RAB10: variants seen among roughly 807,000 people sequenced by gnomAD.
RAB10 encodes the protein RAB10, member RAS oncogene family, also known as ras-related protein Rab-10.
A neutral mutation model predicts 25.7 loss-of-function variants in RAB10; 5 were observed. That is an observed-to-expected ratio of 0.19 (90% CI 0.10 to 0.41). The LOEUF (loss-of-function observed/expected upper bound fraction) is 0.41, where lower values mean the gene tolerates loss of function less well. Among genes scored for constraint, RAB10 ranks in the 10% least tolerant of loss-of-function variants. RAB10 has a pLI of 1.00. For synonymous variants in RAB10, 89 were observed against 86.4 expected, an observed-to-expected ratio of 1.03 and a Z score of -0.16; for missense variants, 103 against 245.8, an observed-to-expected ratio of 0.42 and a Z score of 3.89.
intron 1 of RAB10, among the ~76,000 whole-genome samples, chr2:26,075,349 A>G (rs1666710211): frequency 6.6e-6 from 1 of 152,124 alleles, no homozygotes; most frequent in Admixed American, 6.6e-5. Flanking sequence ...TATCTCTTCC[A>G]TTAAGTCATG....
intron 1 of RAB10, among the ~76,000 whole-genome samples, chr2:26,073,229 A>G (rs1317926357): frequency 6.6e-6 from 1 of 152,228 alleles, no homozygotes; most frequent in Non-Finnish European, 1.5e-5. Flanking sequence ...AATTGTTTCA[A>G]AAGTGATGGA....
At chr2:26,127,348 A>C in intron 4 of RAB10, 115 bp downstream of exon 4, 1 of 786,282 alleles carries the variant, frequency 1.3e-6, no homozygotes. Context: ...ATAGTTTTTA[A>C]AATGCTTGTT....
At chr2:26,078,577 T>A (rs750429706) in intron 1 of RAB10, among the ~76,000 whole-genome samples, 1 of 152,138 alleles carries the variant, frequency 6.6e-6, no homozygotes, top group Non-Finnish European at 1.5e-5. Flanking sequence ...GGGTGATTTC[T>A]GAGGTGATAC....
At position 26,135,225 on chromosome 2, in the gene RAB10, A is replaced by C; in HGVS notation, c.*204A>C. 1 of 495,858 alleles carries C rather than the reference A, an allele frequency of 2.0e-6. No homozygotes were observed. The highest frequency in any genetic ancestry group is 3.6e-6 in the Non-Finnish European group (1 of 280,960). The allele number at this position is 495,858 out of a possible 1,614,324, so 30.7% of individuals were successfully genotyped here. On this transcript the variant is annotated 3_prime_UTR_variant, in exon 6 of 6. Transcript: ENST00000264710. ...TTCTTCAAACAAAAAAATGTATAGA[A>C]AAATCATGTCTGTGAGTTCATTTTT...
At chr2:26,033,862 A>G (rs1665693543), upstream of RAB10, among the ~76,000 whole-genome samples, 1 of 152,144 alleles carries the variant, frequency 6.6e-6, no homozygotes. Context: ...GCGTGCTCGT[A>G]ACGCCGCGCA....
intron 1 of RAB10, among the ~76,000 whole-genome samples, chr2:26,036,549 C>T (rs1665768739): frequency 6.6e-6 from 1 of 151,894 alleles, no homozygotes; most frequent in Non-Finnish European, 1.5e-5. Context: ...GTCCCAGCTA[C>T]TCAGGAGGCT....
chr2:26,063,819 CAA>C (rs1491177818), intron 1 of RAB10, among the ~76,000 whole-genome samples: 1 of 152,074 alleles, frequency 6.6e-6, no homozygotes, highest in Admixed American at 6.5e-5. Context: ...TTTGGAGAGA[CAA>C]GAGTCTCACT....
intron 1 of RAB10, among the ~76,000 whole-genome samples, chr2:26,097,995 A>T (rs1297434460): frequency 6.6e-6 from 1 of 151,520 alleles, no homozygotes; most frequent in Non-Finnish European, 1.5e-5. Flanking sequence ...TTTTTCCCCC[A>T]CTAGGAACCT....
intron 3 of RAB10, among the ~76,000 whole-genome samples, chr2:26,115,846 G>A: frequency 6.8e-6 from 1 of 146,974 alleles, no homozygotes; most frequent in African/African-American, 2.5e-5. Flanking sequence ...TACACAGGTA[G>A]AGTTGTTATT....
chr2:26,034,776 C>T, intron 1 of RAB10, 41 bp downstream of exon 1: 2 of 1,610,230 alleles, frequency 1.2e-6, no homozygotes, highest in Non-Finnish European at 1.7e-6. Context: ...TCGGTAGCTG[C>T]ATACCGTTTA....
chr2:26,096,430 CTGGA>C lies in RAB10; in HGVS notation c.128-2202_128-2199del, dbSNP rs10522075. Among the ~76,000 whole-genome samples, 127 of 150,468 alleles carry C rather than the reference CTGGA, an allele frequency of 8.4e-4. 2 individuals carry two copies. In the South Asian group the frequency reaches 0.014, roughly 16 times the overall value. ...GATGGCTGGATGGATGGCTGGCTGG[CTGGA>C]TGGATGGATGGATGGATGGATGGAT... On this transcript the variant is annotated intron_variant, in intron 1 of 5. Transcript: ENST00000264710.
chr2:26,116,845 C>T (rs921944887), intron 3 of RAB10, among the ~76,000 whole-genome samples: 2 of 151,526 alleles, frequency 1.3e-5, no homozygotes, highest in South Asian at 4.2e-4. Flanking sequence ...CGTGAGCCAC[C>T]ACGCCCGGCC....
chr2:26,100,975 A>G (rs541535101), intron 2 of RAB10, among the ~76,000 whole-genome samples: 2 of 136,954 alleles, frequency 1.5e-5, no homozygotes, highest in African/African-American at 4.9e-5. Flanking sequence ...TGAATAGGGT[A>G]AAGTGTTGGA....
chr2:26,111,546 G>A (rs1304422849), intron 3 of RAB10, among the ~76,000 whole-genome samples: 1 of 150,710 alleles, frequency 6.6e-6, no homozygotes, highest in East Asian at 1.9e-4. Context: ...GGAGGTTGCA[G>A]TGAGCTGAGA....
chr2:26,056,963 AC>A (rs1480414839), intron 1 of RAB10, among the ~76,000 whole-genome samples: 1 of 152,196 alleles, frequency 6.6e-6, no homozygotes, highest in Non-Finnish European at 1.5e-5. Context: ...CTCTGATCTG[AC>A]AATAAGCTTG....
chr2:26,064,330 A>G (rs1488542054), intron 1 of RAB10, among the ~76,000 whole-genome samples: 1 of 151,804 alleles, frequency 6.6e-6, no homozygotes, highest in East Asian at 1.9e-4. Flanking sequence ...GTTTTTGTAG[A>G]GTGTTTGTTT....
chr2:26,033,835 G>T (rs1024716644), upstream of RAB10, among the ~76,000 whole-genome samples: 23 of 152,336 alleles, frequency 1.5e-4, no homozygotes, highest in African/African-American at 5.5e-4. Flanking sequence ...CAGTCGCTAG[G>T]TAGCGTCTCC....
intron 2 of RAB10, among the ~76,000 whole-genome samples, chr2:26,107,587 G>C (rs1471073363): frequency 6.6e-6 from 1 of 152,122 alleles, no homozygotes; most frequent in Non-Finnish European, 1.5e-5. Flanking sequence ...CCTGAGGTCA[G>C]GAGTTTGAGA....
chr2:26,045,228 T>G (rs1574525329), intron 1 of RAB10, among the ~76,000 whole-genome samples: 1 of 123,288 alleles, frequency 8.1e-6, no homozygotes, highest in Admixed American at 9.3e-5. Flanking sequence ...ATACTGGCAA[T>G]CTCTTTCAAC....
Sources: gnomAD v4.1 joint callset for allele counts (sites outside exome capture counted in the v4.1 genomes callset) on GRCh38, gnomAD v4.1.1 for gene constraint, MANE v1.5 for transcripts, NCBI Gene and HGNC (gene_info 2026-07-23, HGNC 2026-07-21) for gene names.